Variants in AKAP6 observed in about 807,000 individuals in gnomAD.
AKAP6 encodes the protein A-kinase anchoring protein 6.
Under a neutral mutation model 188.5 loss-of-function variants are expected in AKAP6, and 58 were observed. The ratio of observed to expected loss-of-function variants is 0.31; its 90% CI spans 0.25 to 0.38. AKAP6 has a LOEUF of 0.38. Among genes scored for constraint, AKAP6 ranks in the 10% least tolerant of loss-of-function variants. AKAP6 has a pLI of 1.00. For synonymous variants in AKAP6, 989 were observed against 998.6 expected (o/e 0.99, Z 0.18); for missense variants, 2,710 against 2,740.0 (o/e 0.99, Z 0.24).
In AKAP6 at chr14:32,482,989, G is replaced by GTA. The variant is rs199759517; in HGVS notation, c.324+49194_324+49195dup. ...TGTGTGTGTCTGTGTGTGTGTGTGT[G>GTA]TATATATATATATATATATATATGT... On this transcript the variant is annotated intron_variant, in intron 2 of 13. Transcript: ENST00000280979. Among the ~76,000 whole-genome samples, 41 of 84,394 alleles carry GTA rather than the reference G, an allele frequency of 4.9e-4. No individual in the cohort carries two copies. In the South Asian group the frequency reaches 5.3e-3, roughly 11 times the overall value. 55.4% of individuals were successfully genotyped at this position (84,394 alleles called of 152,430 possible). A position where few individuals can be genotyped will look rare whatever the true frequency, so the allele number is the denominator to read the frequency against.
At chr14:32,797,457 T>C (rs1246288392) in intron 12 of AKAP6, among the ~76,000 whole-genome samples, 1 of 152,194 alleles carries the variant, frequency 6.6e-6, no homozygotes, top group Admixed American at 6.6e-5. Flanking sequence ...ACCATGTCCT[T>C]TGCAGGGATA....
At chr14:32,609,096 G>C (rs74041640) in intron 7 of AKAP6, among the ~76,000 whole-genome samples, 166 of 152,236 alleles carry the variant, frequency 1.1e-3, no homozygotes, top group African/African-American at 3.8e-3. Context: ...GGATTACTCC[G>C]CTCTGGCTTT....
At position 32,682,995 on chromosome 14, in the gene AKAP6, C is replaced by CTTTTTTTTTTTTTTTTTTTG. The variant is rs71115090; in HGVS notation, c.2879+4546_2879+4547insTTTTTTTTTGTTTTTTTTTT. On this transcript the variant is annotated intron_variant, in intron 8 of 13. Transcript: ENST00000280979. ...GATTCTTTTTTTTTCTTTTTTCTTC[C>CTTTTTTTTTTTTTTTTTTTG]TTTTTTTTTTGTTTTTGAGACAAAG... is the stretch of plus-strand genomic sequence containing the variant. Among the ~76,000 whole-genome samples, 53 of 142,294 alleles carry CTTTTTTTTTTTTTTTTTTTG rather than the reference C, an allele frequency of 3.7e-4. No individual in the cohort carries two copies. In the East Asian group the frequency reaches 5.8e-3, roughly 16 times the overall value. 93.4% of individuals were successfully genotyped at this position (142,294 alleles called of 152,430 possible). A position where few individuals can be genotyped will look rare whatever the true frequency, so the allele number is the denominator to read the frequency against.
In AKAP6 at chr14:32,735,798, TAC is replaced by T; in HGVS notation, c.3290_3291del (p.Thr1097ArgfsTer20). On this transcript the variant is annotated frameshift_variant, in exon 11 of 14. Coordinates refer to ENST00000280979, the MANE Select transcript of AKAP6 (RefSeq NM_004274.5). LOFTEE classifies it high-confidence loss of function. ...AAGAACTGAAAGGATGGCTAAGAGA[TAC>T]AGAGCTTTTCATCTTCAATTCCTGT... ...IKELKGWLRD[T>X]ELFIFNSCLR... The T allele has an allele frequency of 6.2e-7, 1 of 1,613,444 alleles. No individual in the cohort carries two copies. Among genetic ancestry groups the T allele is most frequent in the Non-Finnish European group, 8.5e-7 (1 of 1,179,670 alleles).
At chr14:32,360,351 C>G (rs1887616951) in intron 1 of AKAP6, among the ~76,000 whole-genome samples, 1 of 152,078 alleles carries the variant, frequency 6.6e-6, no homozygotes, top group Admixed American at 6.6e-5. Flanking sequence ...TGGTCTTAAA[C>G]TTCTTACCTC....
intron 7 of AKAP6, among the ~76,000 whole-genome samples, chr14:32,616,180 G>A (rs1886572162): frequency 6.6e-6 from 1 of 152,130 alleles, no homozygotes; most frequent in Admixed American, 6.5e-5. Context: ...TGATCATTGT[G>A]GAAAGCGGTG....
At chr14:32,585,349 G>A (rs962508594) in intron 5 of AKAP6, among the ~76,000 whole-genome samples, 10 of 152,214 alleles carry the variant, frequency 6.6e-5, no homozygotes, top group Non-Finnish European at 1.3e-4. Context: ...TTAAACTTAG[G>A]AAGTATAGTT....
chr14:32,365,569 C>G (rs571815078), intron 1 of AKAP6, among the ~76,000 whole-genome samples: 1 of 152,256 alleles, frequency 6.6e-6, no homozygotes, highest in African/African-American at 2.4e-5. Context: ...CAGCCCTGGC[C>G]CCCCAGGGAC....
intron 7 of AKAP6, among the ~76,000 whole-genome samples, chr14:32,609,851 A>C (rs535165709): frequency 1.4e-5 from 2 of 146,974 alleles, no homozygotes; most frequent in South Asian, 4.5e-4. Context: ...TAGTGTATTC[A>C]TGAGGTCTCT....
At chr14:32,339,473 A>G (rs1178541152) in intron 1 of AKAP6, among the ~76,000 whole-genome samples, 1 of 152,142 alleles carries the variant, frequency 6.6e-6, no homozygotes, top group Non-Finnish European at 1.5e-5. Flanking sequence ...CCTCCTCTCT[A>G]AAGGGTTTCT....
intron 5 of AKAP6, among the ~76,000 whole-genome samples, chr14:32,596,394 C>T (rs1885706383): frequency 6.6e-6 from 1 of 152,150 alleles, no homozygotes; most frequent in Non-Finnish European, 1.5e-5. Context: ...GTAGTACATC[C>T]AGATATATGC....
intron 7 of AKAP6, among the ~76,000 whole-genome samples, chr14:32,660,940 A>T (rs2383367): frequency 6.1e-5 from 2 of 32,892 alleles, no homozygotes; most frequent in East Asian, 7.2e-4. Context: ...CCCCCTCCCA[A>T]TTCCAGCCAT....
chr14:32,718,663 A>G (rs975719574), intron 9 of AKAP6, among the ~76,000 whole-genome samples: 3 of 152,186 alleles, frequency 2.0e-5, no homozygotes, highest in African/African-American at 4.8e-5. Flanking sequence ...AACTTTGTTC[A>G]TGGTTTCTGT....
intron 1 of AKAP6, among the ~76,000 whole-genome samples, chr14:32,353,677 T>C (rs1337965178): frequency 6.6e-6 from 1 of 152,046 alleles, no homozygotes; most frequent in Non-Finnish European, 1.5e-5. Flanking sequence ...TGTCCCTGTT[T>C]GCAGATGACA....
intron 1 of AKAP6, among the ~76,000 whole-genome samples, chr14:32,352,947 T>C (rs1194154803): frequency 2.6e-5 from 4 of 152,238 alleles, no homozygotes; most frequent in Non-Finnish European, 5.9e-5. Context: ...GTAGTTCTAT[T>C]TTTAAGTTTT....
intron 2 of AKAP6, among the ~76,000 whole-genome samples, chr14:32,473,535 G>C (rs1239971598): frequency 6.6e-6 from 1 of 152,222 alleles, no homozygotes; most frequent in Admixed American, 6.5e-5. Flanking sequence ...AGCAGAAAGA[G>C]AGAAAGGAAG....
intron 1 of AKAP6, among the ~76,000 whole-genome samples, chr14:32,360,069 T>C (rs1191682525): frequency 2.0e-5 from 3 of 152,132 alleles, no homozygotes; most frequent in South Asian, 4.1e-4. Flanking sequence ...AAAAGCACCA[T>C]AGTCATTAGT....
chr14:32,363,040 T>G (rs1397566158), intron 1 of AKAP6, among the ~76,000 whole-genome samples: 2 of 152,198 alleles, frequency 1.3e-5, no homozygotes, highest in African/African-American at 4.8e-5. Context: ...GCTTTTGCTC[T>G]TCTGGGCACT....
chr14:32,815,749 T>C lies in AKAP6; in HGVS notation c.3589-5653T>C, dbSNP rs187869961. Among the ~76,000 whole-genome samples, 610 of 152,326 alleles carry C rather than the reference T, an allele frequency of 4.0e-3. 1 individual carries two copies. Among genetic ancestry groups the C allele is most frequent in the Non-Finnish European group, 5.9e-3 (400 of 68,022 alleles). On this transcript the variant is annotated intron_variant, in intron 12 of 13. Coordinates refer to ENST00000280979, the MANE Select transcript of AKAP6 (RefSeq NM_004274.5). ...ACTTCACCAGAGGGAATATATATGC[T>C]GATGGCTGCCAGTCATTCCACCCCT...
Sources: allele counts gnomAD v4.1 joint callset (sites outside exome capture counted in the v4.1 genomes callset), GRCh38; gene constraint gnomAD v4.1.1; transcripts MANE v1.5; gene names NCBI Gene and HGNC (gene_info 2026-07-23, HGNC 2026-07-21).